Variants in GALNT14 observed in about 807,000 individuals in gnomAD.
GALNT14 encodes UDP-GalNAc:polypeptide N-acetylgalactosaminyltransferase 14.
Under a neutral mutation model 77.5 loss-of-function variants are expected in GALNT14, and 60 were observed. That is an observed-to-expected ratio of 0.77 (90% confidence interval 0.63 to 0.96). The LOEUF is 0.96. Among genes scored for constraint, GALNT14 ranks in the 40% least tolerant of loss-of-function variants. The probability of loss-of-function intolerance (pLI) is 0.00; values close to 1 mark genes in which losing one functional copy is unlikely to be tolerated. For missense variants in GALNT14, 710 were observed against 731.0 expected, an observed-to-expected ratio of 0.97 and a Z score of 0.33; for synonymous variants, 280 against 281.7, an observed-to-expected ratio of 0.99 and a Z score of 0.06.
chr2:30,978,292 C>T (rs1668761308), intron 2 of GALNT14, among the ~76,000 whole-genome samples: 1 of 152,218 alleles, frequency 6.6e-6, no homozygotes, highest in Non-Finnish European at 1.5e-5. Flanking sequence ...TCCACATGGC[C>T]GCCTGGTATG....
In GALNT14 at chr2:31,019,160, T is replaced by C. The variant is rs4312538; in HGVS notation, c.130-26153A>G. The stretch of plus-strand genomic sequence containing the variant: ...CAGGGCTCCTAAACCACCACTCATA[T>C]GTCTCACTTCTGGGACAGAAGCCCC... On this transcript the variant is annotated intron_variant, in intron 1 of 14. Transcript: ENST00000349752. 9.7e-4 allele frequency among the ~76,000 whole-genome samples: 147 copies of C among 152,288 alleles called. 3 individuals are homozygous for C. The South Asian group carries it at 0.02, about 21-fold the overall frequency.
At chr2:30,905,989 T>C (rs1443300455), downstream of GALNT14, among the ~76,000 whole-genome samples, 2 of 150,762 alleles carry the variant, frequency 1.3e-5, no homozygotes, top group Non-Finnish European at 3.0e-5. Flanking sequence ...AGAAATAAAA[T>C]ACTTTACAGA....
chr2:31,122,025 G>GA lies in GALNT14; in HGVS notation c.129+15932dup, dbSNP rs550401451. On this transcript the variant is annotated intron_variant, in intron 1 of 14. Coordinates refer to ENST00000349752, the MANE Select transcript of GALNT14 (RefSeq NM_024572.4). The stretch of plus-strand genomic sequence containing the variant: ...TGAAGGAATAAATAGCCCAGAGGGT[G>GA]AAAAAAAGGGCAATGCCTTTGAGGA... 1.0e-3 allele frequency among the ~76,000 whole-genome samples: 156 copies of GA among 152,184 alleles called. 1 individual carries two copies. The highest frequency in any genetic ancestry group is 3.4e-3 in the African/African-American group (142 of 41,526).
chr2:30,930,099 A>T (rs1012591306), intron 10 of GALNT14, among the ~76,000 whole-genome samples: 1 of 152,232 alleles, frequency 6.6e-6, no homozygotes, highest in Non-Finnish European at 1.5e-5. Flanking sequence ...CCCCCAAAAG[A>T]TACAGACCAG....
the GALNT14 span, among the ~76,000 whole-genome samples, chr2:30,886,814 C>T: frequency 6.6e-6 from 1 of 152,182 alleles, no homozygotes; most frequent in Non-Finnish European, 1.5e-5. Context: ...GCCTTTAGTA[C>T]ATTCATAATC....
chr2:31,045,982 G>C (rs1412539822), intron 1 of GALNT14, among the ~76,000 whole-genome samples: 6 of 152,080 alleles, frequency 3.9e-5, no homozygotes, highest in Non-Finnish European at 5.9e-5. Flanking sequence ...GTGGAATAAA[G>C]TAGAGAAGAG....
At chr2:30,933,280 A>G (rs1665853562) in intron 9 of GALNT14, among the ~76,000 whole-genome samples, 1 of 152,148 alleles carries the variant, frequency 6.6e-6, no homozygotes, top group Non-Finnish European at 1.5e-5. Flanking sequence ...CTGGTAGAAA[A>G]GGCAGCTCCT....
intron 1 of GALNT14, among the ~76,000 whole-genome samples, chr2:31,073,953 G>A (rs1312335289): frequency 6.6e-6 from 1 of 152,186 alleles, no homozygotes; most frequent in Admixed American, 6.5e-5. Flanking sequence ...CCTTAGACCA[G>A]GCTGGCTACC....
At chr2:30,958,518 G>A in intron 3 of GALNT14, 54 bp from the exon 4 acceptor site, 2 of 1,393,020 alleles carry the variant, frequency 1.4e-6, no homozygotes, top group African/African-American at 1.4e-5. Flanking sequence ...CAAAATATAT[G>A]TACTAACCCG....
intron 1 of GALNT14, among the ~76,000 whole-genome samples, chr2:31,061,029 T>C (rs182773183): frequency 1.3e-5 from 2 of 152,222 alleles, no homozygotes; most frequent in East Asian, 1.9e-4. Context: ...TTTTTCATTG[T>C]TGGTGTTTCT....
chr2:30,983,146 A>G (rs894080652), intron 2 of GALNT14, among the ~76,000 whole-genome samples: 11 of 152,100 alleles, frequency 7.2e-5, no homozygotes, highest in African/African-American at 2.7e-4. Context: ...GCCAGGGCTT[A>G]TTTTCAAGGC....
At chr2:30,998,624 C>T (rs1401298810) in intron 1 of GALNT14, among the ~76,000 whole-genome samples, 1 of 152,196 alleles carries the variant, frequency 6.6e-6, no homozygotes, top group Non-Finnish European at 1.5e-5. Flanking sequence ...TGTGTCATAA[C>T]TATTTACATT....
At chr2:30,903,103 G>A in the GALNT14 span, among the ~76,000 whole-genome samples, 1 of 152,198 alleles carries the variant, frequency 6.6e-6, no homozygotes, top group African/African-American at 2.4e-5. Flanking sequence ...GAGCATTGCA[G>A]AAACAAACAG....
At chr2:31,001,534 C>T (rs1670369262) in intron 1 of GALNT14, among the ~76,000 whole-genome samples, 1 of 152,126 alleles carries the variant, frequency 6.6e-6, no homozygotes, top group Non-Finnish European at 1.5e-5. Context: ...CCCTGGCTCC[C>T]AGAAGAAGCA....
chr2:30,904,234 C>G, the GALNT14 span, among the ~76,000 whole-genome samples: 1 of 152,164 alleles, frequency 6.6e-6, no homozygotes, highest in East Asian at 1.9e-4. Context: ...GGAACAGCTC[C>G]CGTCTACAGC....
chr2:30,902,989 C>G, the GALNT14 span, among the ~76,000 whole-genome samples: 1 of 152,200 alleles, frequency 6.6e-6, no homozygotes, highest in Admixed American at 6.5e-5. Flanking sequence ...ATCAGAATGT[C>G]TTCTATAGAT....
intron 2 of GALNT14, among the ~76,000 whole-genome samples, chr2:30,970,794 CTCAAAAAGCTTCACAGGA>C (rs900572653): frequency 5.3e-5 from 8 of 152,270 alleles, no homozygotes; most frequent in African/African-American, 1.9e-4. Context: ...ACCTCACAGG[CTCAAAAAGCTTCACAGGA>C]CTCTCCTCCT....
intron 1 of GALNT14, among the ~76,000 whole-genome samples, chr2:31,012,514 CT>C (rs1215386660): frequency 6.6e-6 from 1 of 152,178 alleles, no homozygotes; most frequent in East Asian, 1.9e-4. Flanking sequence ...CCCTTCCCAC[CT>C]CACTCCACCA....
chr2:30,906,335 T>C (rs1027029248), downstream of GALNT14, among the ~76,000 whole-genome samples: 2 of 149,308 alleles, frequency 1.3e-5, no homozygotes, highest in African/African-American at 2.5e-5. Context: ...GAGACACACA[T>C]AAGCTCAAAA....
Sources: allele counts gnomAD v4.1 joint callset (sites outside exome capture counted in the v4.1 genomes callset), GRCh38; gene constraint gnomAD v4.1.1; transcripts MANE v1.5; gene names NCBI Gene and HGNC (gene_info 2026-07-23, HGNC 2026-07-21).